Variants in KLHL4 observed in about 807,000 individuals in gnomAD.
KLHL4 encodes the protein kelch like family member 4, also known as kelch-like protein 4.
KLHL4 carries 17 observed loss-of-function variants against 45.8 expected under a neutral mutation model. The ratio of observed to expected loss-of-function variants is 0.37; its 90% CI spans 0.25 to 0.56. The LOEUF (loss-of-function observed/expected upper bound fraction) is 0.56, where lower values mean the gene tolerates loss of function less well. Among genes scored for constraint, KLHL4 ranks in the 20% least tolerant of loss-of-function variants. KLHL4 has a pLI of 0.79. For missense variants in KLHL4, 544 were observed against 544.9 expected (o/e 1.00, Z 0.02); for synonymous variants, 224 against 189.9 (o/e 1.18, Z -1.47).
chrX:87,620,405 A>T (rs911582908), intron 4 of KLHL4, among the ~76,000 whole-genome samples: 1 of 111,856 alleles, frequency 8.9e-6, no homozygotes, highest in African/African-American at 3.2e-5. Context: ...AATTACACTT[A>T]TTCTTTATTT....
chrX:87,602,978 T>A (rs1340123882), intron 1 of KLHL4, among the ~76,000 whole-genome samples: 1 of 111,720 alleles, frequency 9.0e-6, no homozygotes, highest in Non-Finnish European at 1.9e-5. Flanking sequence ...GTCTTTTAAA[T>A]CATAAAGAAT....
chrX:87,617,208 A>T (rs1922585110), intron 3 of KLHL4, among the ~76,000 whole-genome samples: 1 of 92,144 alleles, frequency 1.1e-5, no homozygotes, highest in Non-Finnish European at 2.2e-5. Flanking sequence ...TCAAAAAGAG[A>T]CTGTTTTTTT....
intron 9 of KLHL4, among the ~76,000 whole-genome samples, chrX:87,647,728 G>A (rs751129279): frequency 3.6e-5 from 4 of 111,215 alleles, no homozygotes; most frequent in Non-Finnish European, 7.6e-5. Flanking sequence ...GGACTCAGAG[G>A]AAAGGGTGGG....
intron 4 of KLHL4, 67 bp downstream of exon 4, chrX:87,618,195 C>A: frequency 1.2e-6 from 1 of 862,770 alleles, no homozygotes. Flanking sequence ...AATTAATAAG[C>A]AACATAAACT....
At chrX:87,573,331 T>G (rs947871603) in intron 1 of KLHL4, among the ~76,000 whole-genome samples, 1 of 111,205 alleles carries the variant, frequency 9.0e-6, no homozygotes, top group African/African-American at 3.3e-5. Flanking sequence ...CAATTGATTT[T>G]GAAATACTAT....
chrX:87,561,278 G>T (rs1465963714), intron 1 of KLHL4, among the ~76,000 whole-genome samples: 1 of 110,868 alleles, frequency 9.0e-6, no homozygotes, highest in Admixed American at 9.6e-5. Context: ...CCACTGAAGA[G>T]GGTAGGAGAG....
At chrX:87,630,342 A>AT (rs777310235) in intron 6 of KLHL4, among the ~76,000 whole-genome samples, 13 of 109,634 alleles carry the variant, frequency 1.2e-4, no homozygotes, top group South Asian at 3.9e-4. Flanking sequence ...TTGGGATGAA[A>AT]TTTTTTTTTC....
rs369552939 is a variant in KLHL4 at position 87,655,845 on chromosome X, A to G, written c.1926-8919A>G. Among the ~76,000 whole-genome samples, 61 of 112,007 alleles carry G rather than the reference A, an allele frequency of 5.4e-4. 1 individual carries two copies. Among genetic ancestry groups the G allele is most frequent in the African/African-American group, 1.8e-3 (57 of 30,876 alleles). On this transcript the variant is annotated intron_variant, in intron 9 of 10. Coordinates refer to ENST00000373119, the MANE Select transcript of KLHL4 (RefSeq NM_019117.5). ...TTGAACAAATTTTGTATCCATGTTT[A>G]TAACTTCCTTGAGCATTTCTTGTAA... is the stretch of plus-strand genomic sequence containing the variant.
intron 1 of KLHL4, among the ~76,000 whole-genome samples, chrX:87,581,236 C>A (rs181722308): frequency 1.8e-5 from 2 of 111,910 alleles, no homozygotes; most frequent in African/African-American, 3.2e-5. Context: ...GGTGGAGTGC[C>A]GGGGGGTGGG....
chrX:87,530,193 T>C (rs752279893), intron 1 of KLHL4, among the ~76,000 whole-genome samples: 5 of 111,334 alleles, frequency 4.5e-5, no homozygotes, highest in African/African-American at 1.3e-4. Context: ...ATGAAGTCCT[T>C]GCCCATGCCT....
At chrX:87,614,154 T>C in intron 2 of KLHL4, 110 bp downstream of exon 2, 2 of 659,478 alleles carry the variant, frequency 3.0e-6, no homozygotes, top group Non-Finnish European at 4.5e-6. Flanking sequence ...TATTTTCCTA[T>C]ATTGAAAAAG....
chrX:87,626,766 A>C (rs776274572), intron 6 of KLHL4, among the ~76,000 whole-genome samples: 2 of 111,643 alleles, frequency 1.8e-5, no homozygotes, highest in South Asian at 7.5e-4. Context: ...TGGGGGTCCC[A>C]AGACTTATTT....
intron 9 of KLHL4, among the ~76,000 whole-genome samples, chrX:87,654,760 C>T (rs1198271446): frequency 9.0e-6 from 1 of 111,701 alleles, no homozygotes; most frequent in East Asian, 2.8e-4. Context: ...GCATTCCCAC[C>T]AACAGTGTGT....
Position 87,669,742 on chromosome X carries a change from C to G in KLHL4, c.*3208C>G, listed in dbSNP as rs1359627574. 4.8e-5 allele frequency: 7 copies of G among 145,964 alleles called. No homozygotes were observed. The highest frequency in any genetic ancestry group is 7.9e-5 in the Non-Finnish European group (6 of 75,603). The allele number at this position is 145,964 out of a possible 1,213,427, so 12.0% of individuals were successfully genotyped here. On this transcript the variant is annotated 3_prime_UTR_variant, in exon 11 of 11. Coordinates refer to ENST00000373119, the MANE Select transcript of KLHL4 (RefSeq NM_019117.5). ...GTAATGAATTTTCTTTACATCCTGT[C>G]CACACTGCTGGAGATACTAAGTCCC...
intron 1 of KLHL4, among the ~76,000 whole-genome samples, chrX:87,533,158 G>A (rs1332120719): frequency 9.1e-6 from 1 of 109,750 alleles, no homozygotes; most frequent in East Asian, 2.9e-4. Context: ...ATTCCTCAGG[G>A]ATCTAGAACT....
intron 9 of KLHL4, among the ~76,000 whole-genome samples, chrX:87,639,198 A>T (rs1923368348): frequency 9.0e-6 from 1 of 111,056 alleles, no homozygotes; most frequent in East Asian, 2.8e-4. Context: ...AATTCATAAA[A>T]CAATTACTAC....
intron 1 of KLHL4, among the ~76,000 whole-genome samples, chrX:87,568,363 GCTTTTTTTCTTTTTCTTTT>G (rs1932259798): frequency 1.2e-5 from 1 of 85,020 alleles, no homozygotes; most frequent in Non-Finnish European, 2.3e-5. Flanking sequence ...AATCCCTACA[GCTTTTTTTCTTTTTCTTTT>G]CTTTTTTTCT....
At chrX:87,606,245 G>GTT (rs202134030) in intron 1 of KLHL4, among the ~76,000 whole-genome samples, 11 of 109,663 alleles carry the variant, frequency 1.0e-4, no homozygotes, top group African/African-American at 3.7e-4. Flanking sequence ...GAATTTGAAA[G>GTT]TTTTTTTTTC....
intron 1 of KLHL4, among the ~76,000 whole-genome samples, chrX:87,569,508 A>G (rs937715141): frequency 3.6e-5 from 4 of 111,703 alleles, no homozygotes; most frequent in Non-Finnish European, 7.6e-5. Context: ...TCAAACAGTA[A>G]TGTGTACAGG....
Sources: gnomAD v4.1 joint callset for allele counts (sites outside exome capture counted in the v4.1 genomes callset) on GRCh38, gnomAD v4.1.1 for gene constraint, MANE v1.5 for transcripts, NCBI Gene and HGNC (gene_info 2026-07-23, HGNC 2026-07-21) for gene names.